The following SEPTIN11 variants were observed in gnomAD, a reference collection of about 807,000 sequenced individuals.
The protein encoded by SEPTIN11 is septin-11.
Under a neutral mutation model 51.4 loss-of-function variants are expected in SEPTIN11, and 25 were observed. The ratio of observed to expected loss-of-function variants is 0.49; its 90% CI spans 0.35 to 0.68. SEPTIN11 has a LOEUF of 0.68. Among genes scored for constraint, SEPTIN11 ranks in the 30% least tolerant of loss-of-function variants. The pLI is 0.00. For synonymous variants in SEPTIN11, 174 were observed against 184.1 expected (o/e 0.95, Z 0.44); for missense variants, 381 against 520.8 (o/e 0.73, Z 2.61).
rs1409865048 is a variant in SEPTIN11, at chr4:77,005,584, C to A, written c.143-17C>A. The A allele has an allele frequency of 6.3e-7, 1 of 1,599,472 alleles. No homozygotes were observed. Among genetic ancestry groups the A allele is most frequent in the Non-Finnish European group, 8.5e-7 (1 of 1,171,446 alleles). ...GACATTGACACATTCTCTGATTTTTCTTTTGTGGTTATGTAGGTGAGACAG... is the reference window on the plus strand; with the variant it reads ...GACATTGACACATTCTCTGATTTTTATTTTGTGGTTATGTAGGTGAGACAG... On this transcript the variant is annotated splice_polypyrimidine_tract_variant and intron_variant, in intron 2 of 9. Coordinates refer to ENST00000264893, the MANE Select transcript of SEPTIN11 (RefSeq NM_018243.4).
At chr4:77,001,629 C>A (rs556394315) in intron 2 of SEPTIN11, among the ~76,000 whole-genome samples, 7 of 152,280 alleles carry the variant, frequency 4.6e-5, no homozygotes, top group Admixed American at 3.9e-4. Context: ...AGATTACAGG[C>A]GTGAGCCACC....
chr4:76,981,388 A>C (rs762571100), intron 1 of SEPTIN11, among the ~76,000 whole-genome samples: 1 of 152,244 alleles, frequency 6.6e-6, no homozygotes, highest in Non-Finnish European at 1.5e-5. Flanking sequence ...CAAGACAAGA[A>C]AGCCAGCATA....
At position 77,037,765 on chromosome 4, in the gene SEPTIN11, A is replaced by T. The variant is rs892571656; in HGVS notation, c.*3253A>T. The T allele has an allele frequency of 1.0e-5, 10 of 985,718 alleles. No individual in the cohort carries two copies. The highest frequency in any genetic ancestry group is 1.1e-5 in the Non-Finnish European group (9 of 829,930). The allele number at this position is 985,718 out of a possible 1,614,324, so 61.1% of individuals were successfully genotyped here. A position where few individuals can be genotyped will look rare whatever the true frequency, so the allele number is the denominator to read the frequency against. On this transcript the variant is annotated 3_prime_UTR_variant, in exon 10 of 10. Coordinates refer to ENST00000264893, the MANE Select transcript of SEPTIN11 (RefSeq NM_018243.4). ...TGATGAGAATTTATTGGCAGTTCAG[A>T]TTGTGTTTTCCCAACTTAGGCTCTT...
Position 77,035,703 on chromosome 4 carries a change from GC to G in SEPTIN11, c.*1192del, listed in dbSNP as rs1726977009. ...ATTGTCTGGAATTTTCCTCACCTTG[GC>G]TAGCTCCACCTGCTCTTTGTCTAAG... On this transcript the variant is annotated 3_prime_UTR_variant, in exon 10 of 10. Transcript: ENST00000264893. 1.0e-6 allele frequency: 1 copy of G among 985,720 alleles called. No homozygotes were observed. Among genetic ancestry groups the G allele is most frequent in the African/African-American group, 1.7e-5 (1 of 57,226 alleles). The allele number at this position is 985,720 out of a possible 1,614,324, so 61.1% of individuals were successfully genotyped here.
chr4:77,027,103 G>A (rs191857432), intron 7 of SEPTIN11, among the ~76,000 whole-genome samples: 45 of 152,264 alleles, frequency 3.0e-4, no homozygotes, highest in Admixed American at 1.3e-3. Flanking sequence ...ACTAATAACC[G>A]TGTTAATTAT....
chr4:77,025,178 AC>A (rs1726029241), intron 7 of SEPTIN11, among the ~76,000 whole-genome samples: 1 of 152,212 alleles, frequency 6.6e-6, no homozygotes. Context: ...CACATTTCTC[AC>A]TTAGAAAAGG....
At chr4:76,953,519 C>T (rs528861855) in intron 1 of SEPTIN11, among the ~76,000 whole-genome samples, 1 of 152,072 alleles carries the variant, frequency 6.6e-6, no homozygotes, top group African/African-American at 2.4e-5. Flanking sequence ...TATAAAATTG[C>T]CATTTTTGTG....
At chr4:76,980,068 A>C (rs1722694246) in intron 1 of SEPTIN11, among the ~76,000 whole-genome samples, 1 of 152,168 alleles carries the variant, frequency 6.6e-6, no homozygotes, top group African/African-American at 2.4e-5. Context: ...GATCTAGGGA[A>C]ATGGCAGACC....
chr4:76,985,955 CTGGT>C (rs1723006152), intron 1 of SEPTIN11, among the ~76,000 whole-genome samples: 1 of 152,110 alleles, frequency 6.6e-6, no homozygotes, highest in Admixed American at 6.5e-5. Context: ...TGGTAGTAGA[CTGGT>C]TGTAGTTATG....
At chr4:76,956,205 G>A (rs1357694947) in intron 1 of SEPTIN11, among the ~76,000 whole-genome samples, 1 of 152,124 alleles carries the variant, frequency 6.6e-6, no homozygotes, top group Non-Finnish European at 1.5e-5. Context: ...TTCTGTGCAC[G>A]GGAAGCTTGT....
chr4:76,950,935 C>T (rs904043), intron 1 of SEPTIN11, among the ~76,000 whole-genome samples: 93,169 of 152,064 alleles, frequency 0.61, 28,917 homozygotes, highest in African/African-American at 0.69. Flanking sequence ...GTTCACAGTC[C>T]ACTCGCCTTA....
At chr4:77,038,939 G>C, downstream of SEPTIN11, 1 of 540,454 alleles carries the variant, frequency 1.9e-6, no homozygotes, top group Non-Finnish European at 3.1e-6. Context: ...CCCTCCCGTC[G>C]AGCTCGAGGA....
intron 1 of SEPTIN11, among the ~76,000 whole-genome samples, chr4:76,957,453 A>T (rs759999874): frequency 2.6e-5 from 4 of 152,194 alleles, no homozygotes; most frequent in Non-Finnish European, 5.9e-5. Context: ...TTGTGTCCTT[A>T]GGCAAGTTAC....
chr4:77,003,918 G>T (rs1312996338), intron 2 of SEPTIN11, among the ~76,000 whole-genome samples: 1 of 152,090 alleles, frequency 6.6e-6, no homozygotes, highest in East Asian at 1.9e-4. Flanking sequence ...TGAAAGGGCT[G>T]TTCTATATTG....
At chr4:77,012,851 T>C (rs1046933224) in intron 4 of SEPTIN11, among the ~76,000 whole-genome samples, 2 of 152,136 alleles carry the variant, frequency 1.3e-5, no homozygotes, top group South Asian at 2.1e-4. Flanking sequence ...ACAGACACAG[T>C]AGTTTACAGA....
chr4:76,969,729 A>G (rs1470508074), intron 1 of SEPTIN11, among the ~76,000 whole-genome samples: 1 of 152,202 alleles, frequency 6.6e-6, no homozygotes, highest in Non-Finnish European at 1.5e-5. Context: ...GAGGCATCAC[A>G]AACAGCAACA....
chr4:76,967,409 T>C (rs542813262), intron 1 of SEPTIN11, among the ~76,000 whole-genome samples: 1 of 152,334 alleles, frequency 6.6e-6, no homozygotes, highest in Non-Finnish European at 1.5e-5. Context: ...CTTCATTATT[T>C]AGCTTATTTA....
intron 2 of SEPTIN11, among the ~76,000 whole-genome samples, chr4:77,000,091 T>C (rs1256943389): frequency 6.6e-6 from 1 of 152,234 alleles, no homozygotes; most frequent in Non-Finnish European, 1.5e-5. Context: ...CTTGTAAACA[T>C]ACAAAGGTGA....
At chr4:76,973,827 C>T (rs562770464) in intron 1 of SEPTIN11, among the ~76,000 whole-genome samples, 5 of 152,152 alleles carry the variant, frequency 3.3e-5, no homozygotes, top group Non-Finnish European at 5.9e-5. Flanking sequence ...CACCTTAGAC[C>T]AGTGCCTGGC....
Sources: gnomAD v4.1 joint callset for allele counts (sites outside exome capture counted in the v4.1 genomes callset) on GRCh38, gnomAD v4.1.1 for gene constraint, MANE v1.5 for transcripts, NCBI Gene and HGNC (gene_info 2026-07-23, HGNC 2026-07-21) for gene names.